Variants in FGF13 observed in about 807,000 individuals in gnomAD.
FGF13 encodes fibroblast growth factor 13.
In FGF13, 2 loss-of-function variants were observed where a neutral mutation model predicts 19.5. The observed-to-expected ratio is 0.10, with a 90% CI of 0.04 to 0.32. FGF13 has a LOEUF of 0.32. FGF13 is among the 10% of genes least tolerant of loss of function. The pLI, the probability that FGF13 is intolerant of heterozygous loss-of-function variation, is 1.00. For synonymous variants in FGF13, 72 were observed against 76.9 expected, an observed-to-expected ratio of 0.94 and a Z score of 0.33; for missense variants, 113 against 192.7, an observed-to-expected ratio of 0.59 and a Z score of 2.45.
intron 2 of FGF13, among the ~76,000 whole-genome samples, chrX:138,863,038 T>G (rs1243567666): frequency 9.0e-5 from 10 of 110,831 alleles, no homozygotes; most frequent in Non-Finnish European, 1.9e-5. Context: ...ATGCCAGGCT[T>G]TCTCCTGCCT....
intron 1 of FGF13, among the ~76,000 whole-genome samples, chrX:139,178,156 C>T (rs755065672): frequency 1.8e-5 from 2 of 112,269 alleles, no homozygotes; most frequent in Non-Finnish European, 3.8e-5. Context: ...TGTTCCTATT[C>T]GGCCATCTTG....
rs138962879 is a variant in FGF13, at chrX:138,918,021, G to A, written c.-112-53371C>T. On this transcript the variant is annotated intron_variant, in intron 1 of 2. Transcript: ENST00000421460. ...ATAAGGAGGTACTAGGAATTTTATA[G>A]AGTCTGATCCATCTCCCTTGGAAAG... 4.9e-3 allele frequency among the ~76,000 whole-genome samples: 550 copies of A among 111,266 alleles called. 3 individuals are homozygous for A. Among genetic ancestry groups the A allele is most frequent in the African/African-American group, 0.017 (516 of 30,618 alleles).
At chrX:139,074,097 G>A (rs1243437891) in intron 1 of FGF13, among the ~76,000 whole-genome samples, 1 of 112,076 alleles carries the variant, frequency 8.9e-6, no homozygotes, top group East Asian at 2.8e-4. Context: ...ATGCTGGGGA[G>A]TCTTCTATTG....
At chrX:138,831,677 T>G (rs1165761719) in intron 3 of FGF13, among the ~76,000 whole-genome samples, 1 of 111,710 alleles carries the variant, frequency 9.0e-6, no homozygotes, top group Non-Finnish European at 1.9e-5. Flanking sequence ...ATTTCTTTTT[T>G]TTTTTAACTT....
intron 1 of FGF13, among the ~76,000 whole-genome samples, chrX:139,161,651 C>A (rs2084035254): frequency 9.0e-6 from 1 of 111,559 alleles, no homozygotes; most frequent in Non-Finnish European, 1.9e-5. Flanking sequence ...TTAGACAATC[C>A]CATTGCCTCA....
intron 1 of FGF13, among the ~76,000 whole-genome samples, chrX:138,736,630 T>C (rs930538320): frequency 2.7e-5 from 3 of 110,049 alleles, no homozygotes; most frequent in African/African-American, 1.0e-4. Context: ...GACAGGGGAT[T>C]ATTGATAAAA....
intron 1 of FGF13, among the ~76,000 whole-genome samples, chrX:139,161,164 C>T (rs1361702789): frequency 8.9e-6 from 1 of 112,083 alleles, no homozygotes; most frequent in Non-Finnish European, 1.9e-5. Context: ...AAGTGGGCTT[C>T]ATCCCTGGGA....
chrX:138,800,753 C>T (rs2090822155), intron 3 of FGF13, among the ~76,000 whole-genome samples: 1 of 111,745 alleles, frequency 8.9e-6, no homozygotes, highest in South Asian at 3.7e-4. Flanking sequence ...TCACTTAGTC[C>T]CATATTGCTT....
intron 3 of FGF13, among the ~76,000 whole-genome samples, chrX:138,635,904 G>C (rs1383544293): frequency 8.9e-6 from 1 of 112,246 alleles, no homozygotes; most frequent in Non-Finnish European, 1.9e-5. Context: ...TTTGTAATAG[G>C]TAATGGGAAC....
chrX:138,805,143 A>G (rs1360835373), intron 3 of FGF13, among the ~76,000 whole-genome samples: 1 of 112,013 alleles, frequency 8.9e-6, no homozygotes, highest in African/African-American at 3.2e-5. Context: ...AAATTTGGAG[A>G]TGTATAACTT....
intron 1 of FGF13, among the ~76,000 whole-genome samples, chrX:139,098,171 A>G (rs780856741): frequency 9.0e-6 from 1 of 111,660 alleles, no homozygotes; most frequent in East Asian, 2.8e-4. Flanking sequence ...AGCATGGGCC[A>G]GGTTAGGGCT....
chrX:139,092,225 T>A (rs1271703119), intron 1 of FGF13, among the ~76,000 whole-genome samples: 3 of 112,086 alleles, frequency 2.7e-5, no homozygotes, highest in African/African-American at 9.7e-5. Flanking sequence ...TAGTCCCAAC[T>A]CACACCCATC....
chrX:139,021,360 T>TA (rs1213009580), intron 1 of FGF13, among the ~76,000 whole-genome samples: 1 of 110,748 alleles, frequency 9.0e-6, no homozygotes, highest in Non-Finnish European at 1.9e-5. Context: ...AGATTAAATG[T>TA]AAAAATATTA....
intron 1 of FGF13, among the ~76,000 whole-genome samples, chrX:139,194,802 C>G (rs1313009591): frequency 8.9e-6 from 1 of 111,886 alleles, no homozygotes; most frequent in Non-Finnish European, 1.9e-5. Flanking sequence ...GCGGGCTGCA[C>G]CGGAGCGCGC....
intron 3 of FGF13, among the ~76,000 whole-genome samples, chrX:138,753,994 G>A (rs770072367): frequency 9.0e-6 from 1 of 111,638 alleles, no homozygotes; most frequent in Non-Finnish European, 1.9e-5. Context: ...TCTGATCATG[G>A]GACTCACAAC....
intron 1 of FGF13, among the ~76,000 whole-genome samples, chrX:139,190,444 G>T (rs2148276884): frequency 8.9e-6 from 1 of 111,861 alleles, no homozygotes; most frequent in Non-Finnish European, 1.9e-5. Context: ...TATCAGTAGA[G>T]TAACAGAGGC....
At chrX:138,828,229 G>A (rs2091046869) in intron 3 of FGF13, among the ~76,000 whole-genome samples, 1 of 111,900 alleles carries the variant, frequency 8.9e-6, no homozygotes, top group Admixed American at 9.5e-5. Flanking sequence ...GTGGAGGCTA[G>A]TTGCCTCGAT....
intron 1 of FGF13, among the ~76,000 whole-genome samples, chrX:139,015,945 A>T (rs2092151091): frequency 9.0e-6 from 1 of 111,598 alleles, no homozygotes; most frequent in African/African-American, 3.3e-5. Context: ...AGTATCAGAC[A>T]CATACATTGG....
intron 1 of FGF13, among the ~76,000 whole-genome samples, chrX:138,974,057 G>A (rs1008105838): frequency 3.6e-5 from 4 of 111,395 alleles, no homozygotes; most frequent in African/African-American, 1.3e-4. Flanking sequence ...GCCATGTTGT[G>A]ATACACCAAA....
Sources: allele counts gnomAD v4.1 joint callset (sites outside exome capture counted in the v4.1 genomes callset), GRCh38; gene constraint gnomAD v4.1.1; transcripts MANE v1.5; gene names NCBI Gene and HGNC (gene_info 2026-07-23, HGNC 2026-07-21).